Variants in AMBRA1 observed in about 807,000 individuals in gnomAD.
AMBRA1 encodes the protein autophagy and beclin 1 regulator 1.
Under a neutral mutation model 125.4 loss-of-function variants are expected in AMBRA1, and 47 were observed. That is an observed-to-expected ratio of 0.37 (90% CI 0.30 to 0.48). The LOEUF (loss-of-function observed/expected upper bound fraction) is 0.48. Ranked by LOEUF, AMBRA1 falls within the 20% of genes least tolerant of loss-of-function variation. The pLI, the probability that AMBRA1 is intolerant of heterozygous loss-of-function variation, is 0.99. For synonymous variants in AMBRA1, 626 were observed against 655.5 expected (o/e 0.95, Z 0.69); for missense variants, 1,331 against 1,693.4 (o/e 0.79, Z 3.76).
At chr11:46,553,804 AC>A (rs1669556267) in intron 1 of AMBRA1, among the ~76,000 whole-genome samples, 1 of 152,066 alleles carries the variant, frequency 6.6e-6, no homozygotes, top group South Asian at 2.1e-4. Flanking sequence ...CCTACACAGC[AC>A]AGAGTTACCT....
intron 11 of AMBRA1, among the ~76,000 whole-genome samples, chr11:46,477,316 T>G (rs184394187): frequency 6.6e-6 from 1 of 151,556 alleles, no homozygotes; most frequent in Admixed American, 6.6e-5. Context: ...TCTTTAAAGA[T>G]ACTTCTTTTT....
intron 1 of AMBRA1, among the ~76,000 whole-genome samples, chr11:46,581,750 A>T (rs1363044402): frequency 1.3e-5 from 2 of 150,958 alleles, no homozygotes; most frequent in African/African-American, 4.9e-5. Flanking sequence ...CACTGAGCCA[A>T]GACCACACCA....
At chr11:46,462,464 T>C (rs1949140103) in intron 11 of AMBRA1, among the ~76,000 whole-genome samples, 3 of 152,204 alleles carry the variant, frequency 2.0e-5, no homozygotes, top group Admixed American at 1.3e-4. Flanking sequence ...GTCACTTACC[T>C]GCTCTAAAGC....
At chr11:46,485,969 C>T (rs79014257) in intron 11 of AMBRA1, among the ~76,000 whole-genome samples, 7,011 of 152,150 alleles carry the variant, frequency 0.046, 556 homozygotes, top group African/African-American at 0.16. Flanking sequence ...TAAAAGGCCC[C>T]GGGTGCTATA....
At chr11:46,559,802 T>C (rs2043273090) in intron 1 of AMBRA1, among the ~76,000 whole-genome samples, 1 of 152,214 alleles carries the variant, frequency 6.6e-6, no homozygotes, top group Admixed American at 6.5e-5. Context: ...GGACAAATCA[T>C]ATCCTCGCTG....
At chr11:46,478,748 G>T (rs972095878) in intron 11 of AMBRA1, among the ~76,000 whole-genome samples, 2 of 128,164 alleles carry the variant, frequency 1.6e-5, no homozygotes, top group Non-Finnish European at 1.6e-5. Context: ...TCCACCTCCC[G>T]GGTTCAAGCG....
At position 46,440,844 on chromosome 11, in the gene AMBRA1, C is replaced by T. The variant is rs1021387204; in HGVS notation, c.2632+2644G>A. Among the ~76,000 whole-genome samples the T allele has an allele frequency of 3.9e-5, 6 of 152,254 alleles. No homozygotes were observed. In the East Asian group the frequency reaches 1.2e-3, roughly 29 times the overall value. On this transcript the variant is annotated intron_variant, in intron 12 of 17. Coordinates refer to ENST00000683756, the MANE Select transcript of AMBRA1 (RefSeq NM_001387011.1). Reference sequence around the variant, plus strand: ...ATACCAAGACTGGCATCAGGAAATGCCACAGACAGAGAATATCTTAATTAT... The same window carrying T: ...ATACCAAGACTGGCATCAGGAAATGTCACAGACAGAGAATATCTTAATTAT...
intron 7 of AMBRA1, 40 bp from the exon 8 acceptor site, chr11:46,512,853 TACCAACTCAGAGGTCATTCATAAGGAAA>T (rs1242111513): frequency 6.4e-7 from 1 of 1,568,370 alleles, no homozygotes; most frequent in African/African-American, 1.4e-5. Context: ...CCCTGTCAAT[TACCAACTCAGAGGTCATTCATAAGGAAA>T]AATGAGGGAG....
intron 11 of AMBRA1, among the ~76,000 whole-genome samples, chr11:46,487,075 T>C (rs1290310541): frequency 6.6e-6 from 1 of 151,698 alleles, no homozygotes; most frequent in Non-Finnish European, 1.5e-5. Flanking sequence ...CTGGGCAACA[T>C]GGCAAAACCC....
rs74973609 is a variant in AMBRA1 at position 46,562,121 on chromosome 11, A to G, written c.-120-13621T>C. Among the ~76,000 whole-genome samples, 128 of 152,344 alleles carry G rather than the reference A, an allele frequency of 8.4e-4. 1 individual carries two copies. The highest frequency in any genetic ancestry group is 3.0e-3 in the African/African-American group (123 of 41,582). ...AATATGGCAGGTGAAAGAAAACAAC[A>G]CACCCTTTTACCTGGGGTGGCCAGA... On this transcript the variant is annotated intron_variant, in intron 1 of 17. Coordinates refer to ENST00000683756, the MANE Select transcript of AMBRA1 (RefSeq NM_001387011.1).
At chr11:46,485,568 T>C (rs1950239034) in intron 11 of AMBRA1, among the ~76,000 whole-genome samples, 1 of 152,164 alleles carries the variant, frequency 6.6e-6, no homozygotes, top group African/African-American at 2.4e-5. Context: ...GACAGTAAAC[T>C]CCCTGAGGGC....
chr11:46,460,088 T>C (rs1949032783), intron 11 of AMBRA1, among the ~76,000 whole-genome samples: 1 of 152,216 alleles, frequency 6.6e-6, no homozygotes, highest in African/African-American at 2.4e-5. Context: ...GTAAACATCT[T>C]AGAGAAGACA....
chr11:46,441,216 A>G (rs1278636009), intron 12 of AMBRA1, among the ~76,000 whole-genome samples: 1 of 152,242 alleles, frequency 6.6e-6, no homozygotes, highest in Non-Finnish European at 1.5e-5. Flanking sequence ...TGTTTTCGTT[A>G]TTAAAAGATA....
chr11:46,408,474 GTCCCTC>G (rs892047733), intron 17 of AMBRA1, 33 bp downstream of exon 17: 3 of 1,473,472 alleles, frequency 2.0e-6, no homozygotes, highest in African/African-American at 1.4e-5. Flanking sequence ...CGGTCTTAGG[GTCCCTC>G]TCCCACCCCC....
At chr11:46,420,134 G>A (rs552056667) in intron 14 of AMBRA1, among the ~76,000 whole-genome samples, 1 of 152,096 alleles carries the variant, frequency 6.6e-6, no homozygotes, top group Non-Finnish European at 1.5e-5. Flanking sequence ...ACATGGAACT[G>A]GTTCAGGTTT....
chr11:46,559,161 G>A (rs189551034), intron 1 of AMBRA1, among the ~76,000 whole-genome samples: 70 of 152,072 alleles, frequency 4.6e-4, no homozygotes, highest in African/African-American at 1.4e-3. Context: ...TTAGATGGGC[G>A]TGGTGGCACG....
chr11:46,496,192 G>A (rs1950624013), intron 9 of AMBRA1, among the ~76,000 whole-genome samples: 1 of 151,970 alleles, frequency 6.6e-6, no homozygotes, highest in African/African-American at 2.4e-5. Context: ...TGGCCAACGT[G>A]GTGAAACCCT....
intron 1 of AMBRA1, among the ~76,000 whole-genome samples, chr11:46,564,047 G>A (rs2135248338): frequency 1.3e-5 from 2 of 151,330 alleles, no homozygotes; most frequent in South Asian, 4.2e-4. Context: ...GGGAGGCTGA[G>A]GCAGGAGAAT....
intron 7 of AMBRA1, among the ~76,000 whole-genome samples, chr11:46,515,671 T>C (rs1018804878): frequency 8.5e-5 from 13 of 152,116 alleles, no homozygotes; most frequent in African/African-American, 3.1e-4. Context: ...TTTTAATGAC[T>C]CCATTTTTAT....
Sources: allele counts gnomAD v4.1 joint callset (sites outside exome capture counted in the v4.1 genomes callset), GRCh38; gene constraint gnomAD v4.1.1; transcripts MANE v1.5; gene names NCBI Gene and HGNC (gene_info 2026-07-23, HGNC 2026-07-21).